Variants in HEXD observed in about 807,000 individuals in gnomAD.
HEXD encodes hexosaminidase D.
HEXD carries 47 observed loss-of-function variants against 54.2 expected under a neutral mutation model. The ratio of observed to expected loss-of-function variants is 0.87; its 90% CI spans 0.69 to 1.11. The LOEUF (loss-of-function observed/expected upper bound fraction) is 1.11. HEXD is among the 50% of genes least tolerant of loss of function. HEXD has a pLI of 0.00. For synonymous variants in HEXD, 293 were observed against 287.6 expected (o/e 1.02, Z -0.19); for missense variants, 576 against 649.2 (o/e 0.89, Z 1.23).
intron 4 of HEXD, among the ~76,000 whole-genome samples, chr17:82,433,087 A>ATAT: frequency 5.8e-5 from 1 of 17,338 alleles, no homozygotes; most frequent in Non-Finnish European, 8.3e-5. Context: ...GAAAAAAAAA[A>ATAT]AAAAATATAT....
intron 4 of HEXD, among the ~76,000 whole-genome samples, chr17:82,433,278 C>T (rs947724118): frequency 2.0e-5 from 3 of 148,704 alleles, no homozygotes; most frequent in Non-Finnish European, 4.5e-5. Flanking sequence ...GCCATCTCTA[C>T]TAAAAATACA....
chr17:82,421,992 C>A (rs942866423), intron 2 of HEXD, among the ~76,000 whole-genome samples: 1 of 151,908 alleles, frequency 6.6e-6, no homozygotes, highest in South Asian at 2.1e-4. Context: ...CTGGCCAACA[C>A]AGTGTCTCTA....
intron 2 of HEXD, chr17:82,420,103 A>G (rs2053188049): frequency 5.4e-6 from 2 of 369,464 alleles, no homozygotes; most frequent in South Asian, 1.6e-4. Context: ...AAAGACAGAG[A>G]ACAAAAGAAA....
intron 2 of HEXD, among the ~76,000 whole-genome samples, chr17:82,420,879 T>G (rs2053216351): frequency 1.3e-5 from 2 of 152,180 alleles, no homozygotes; most frequent in Non-Finnish European, 2.9e-5. Context: ...CCACCCAGTT[T>G]ATGGTCATTT....
At chr17:82,424,538 G>A (rs1436163742) in intron 3 of HEXD, 35 bp downstream of exon 3, 7 of 1,481,960 alleles carry the variant, frequency 4.7e-6, no homozygotes, top group Middle Eastern at 1.7e-4. Context: ...GGGGCGCGGC[G>A]TGAAAGCGGG....
At position 82,442,117 on chromosome 17, in the gene HEXD, T is replaced by C. The variant is rs199660186; in HGVS notation, c.1254-60T>C. Reference sequence around the variant, plus strand: ...CTGAGGCACAGGGCAGTACTGACCATGGGGCTGAGGGCAAGTCCCAAGTGT... The same window carrying C: ...CTGAGGCACAGGGCAGTACTGACCACGGGGCTGAGGGCAAGTCCCAAGTGT... On this transcript the variant is annotated intron_variant, in intron 12 of 12. Coordinates refer to ENST00000327949, the MANE Select transcript of HEXD (RefSeq NM_001330542.2). This position sits in a 1 kb window ranked among gnomAD's most constrained non-coding sequence, Gnocchi z 6.8. 2.8e-5 allele frequency: 43 copies of C among 1,555,070 alleles called. No individual in the cohort carries two copies. Among genetic ancestry groups the C allele is most frequent in the Non-Finnish European group, 3.4e-5 (39 of 1,150,332 alleles).
rs562583332 is a variant in HEXD, at chr17:82,437,260, C to A, written c.796C>A (p.Pro266Thr). The A allele has an allele frequency of 1.9e-6, 3 of 1,611,832 alleles. No individual in the cohort carries two copies. Among genetic ancestry groups the A allele is most frequent in the Non-Finnish European group, 2.5e-6 (3 of 1,179,302 alleles). ...TGCCACGGGGCCCAGCCAGGCCGTG[C>A]CCCCTGTTGAGCACCACCTCAGGAA... ...KGATGPSQAV[P>T]PVEHHLRNHV... The change falls in exon 8 of 13, where the codon CCC becomes ACC. Residue 266 changes from proline to threonine, a missense_variant. Physicochemically the swap from Pro to Thr is conservative, Grantham distance 38. Coordinates refer to ENST00000327949, the MANE Select transcript of HEXD (RefSeq NM_001330542.2).
rs932783654 is a variant in HEXD at position 82,434,059 on chromosome 17, G to C, written c.447+237G>C. On this transcript the variant is annotated intron_variant, in intron 5 of 12. Transcript: ENST00000327949. This position sits in a 1 kb window ranked among gnomAD's most constrained non-coding sequence, Gnocchi z 4.5. ...CAACATCTTCTCCGGGTGGATGGGC[G>C]GCCTGGCACGGGACAGCCTGCAGAG... Among the ~76,000 whole-genome samples, 5 of 151,996 alleles carry C rather than the reference G, an allele frequency of 3.3e-5. No homozygotes were observed. Among genetic ancestry groups the C allele is most frequent in the Non-Finnish European group, 7.4e-5 (5 of 67,970 alleles).
At chr17:82,422,422 G>C (rs1214388483) in intron 2 of HEXD, among the ~76,000 whole-genome samples, 1 of 151,686 alleles carries the variant, frequency 6.6e-6, no homozygotes, top group African/African-American at 2.4e-5. Flanking sequence ...ACCTGAACCT[G>C]GGTGGTGGAG....
In HEXD at chr17:82,428,554, C is replaced by T. The variant is rs199789834; in HGVS notation, c.195-4C>T. ...CCCTCTCTCTATGAATTTTGTCTCT[C>T]CAGCCCCTCTGAAATCAAAGAGATC... On this transcript the variant is annotated splice_polypyrimidine_tract_variant and splice_region_variant and intron_variant, in intron 3 of 12. Coordinates refer to ENST00000327949, the MANE Select transcript of HEXD (RefSeq NM_001330542.2). 9.3e-6 allele frequency: 15 copies of T among 1,612,664 alleles called. No individual in the cohort carries two copies. The highest frequency in any genetic ancestry group is 2.7e-5 in the African/African-American group (2 of 74,898).
chr17:82,433,625 G>A (rs771734326), intron 4 of HEXD, 33 bp from the exon 5 acceptor site: 29 of 1,511,284 alleles, frequency 1.9e-5, no homozygotes, highest in South Asian at 2.6e-5. Context: ...CAGCTCCTCC[G>A]CCCCCAACGC....
Position 82,442,462 on chromosome 17 carries a change from C to T in HEXD, c.*78C>T. On this transcript the variant is annotated 3_prime_UTR_variant, in exon 13 of 13. Transcript: ENST00000327949. This position sits in a 1 kb window ranked among gnomAD's most constrained non-coding sequence, Gnocchi z 6.8. ...TGCCAAATGGCCTGGGCAATACGGG[C>T]CCACGTGGGCGTCGTGCCCTCTGGC... 6.2e-7 allele frequency: 1 copy of T among 1,608,138 alleles called. No homozygotes were observed. The highest frequency in any genetic ancestry group is 8.5e-7 in the Non-Finnish European group (1 of 1,175,916).
chr17:82,435,606 C>A, intron 5 of HEXD, 83 bp from the exon 6 acceptor site: 1 of 1,418,228 alleles, frequency 7.1e-7, no homozygotes, highest in Non-Finnish European at 9.7e-7. Context: ...GGCCCCTCTC[C>A]GTCAGGGCAC....
chr17:82,441,729 T>C, intron 11 of HEXD, 71 bp from the exon 12 acceptor site: 5 of 1,128,484 alleles, frequency 4.4e-6, no homozygotes, highest in Non-Finnish European at 5.4e-6. Context: ...AAACATTTTC[T>C]GTATTACTGC....
At position 82,442,237 on chromosome 17, in the gene HEXD, C is replaced by G; in HGVS notation, c.1314C>G (p.Phe438Leu). The change falls in exon 13 of 13, where the codon TTC becomes TTG. Residue 438 changes from phenylalanine to leucine, a missense_variant. Physicochemically the swap from Phe to Leu is conservative, Grantham distance 22. Coordinates refer to ENST00000327949, the MANE Select transcript of HEXD (RefSeq NM_001330542.2). This position sits in a 1 kb window ranked among gnomAD's most constrained non-coding sequence, Gnocchi z 6.8. ...QELEAALQLAFYPDAVEEWLE... is the reference protein window; with the variant it reads ...QELEAALQLALYPDAVEEWLE... ...TGGAGGCTGCCCTGCAGCTGGCTTT[C>G]TACCCGGATGCCGTGGAGGAGTGGC... is the stretch of plus-strand genomic sequence containing the variant. 1 of 1,605,926 alleles carries G rather than the reference C, an allele frequency of 6.2e-7. No homozygotes were observed. Among genetic ancestry groups the G allele is most frequent in the African/African-American group, 1.3e-5 (1 of 75,052 alleles).
At chr17:82,422,731 A>T (rs1237753054) in intron 2 of HEXD, among the ~76,000 whole-genome samples, 1 of 152,194 alleles carries the variant, frequency 6.6e-6, no homozygotes, top group Non-Finnish European at 1.5e-5. Flanking sequence ...TATGGCAAAG[A>T]AGACTGAACT....
chr17:82,432,184 C>T (rs1244950873), intron 4 of HEXD, among the ~76,000 whole-genome samples: 1 of 152,172 alleles, frequency 6.6e-6, no homozygotes, highest in Non-Finnish European at 1.5e-5. Context: ...GGGGTGCATC[C>T]CTAGGTTCGC....
intron 9 of HEXD, chr17:82,440,749 G>A: frequency 1.9e-6 from 1 of 536,966 alleles, no homozygotes; most frequent in South Asian, 2.3e-5. Context: ...TGTTGCTGCT[G>A]GCAACACAGT....
chr17:82,428,513 C>G (rs756074658), intron 3 of HEXD, 45 bp from the exon 4 acceptor site: 1 of 1,543,468 alleles, frequency 6.5e-7, no homozygotes, highest in Non-Finnish European at 9.0e-7. Flanking sequence ...GTGGAAGTCA[C>G]GTGCTGCTCA....
Sources: allele counts gnomAD v4.1 joint callset (sites outside exome capture counted in the v4.1 genomes callset), GRCh38; gene constraint gnomAD v4.1.1; non-coding constraint Gnocchi (gnomAD v3.1); transcripts MANE v1.5; gene names NCBI Gene and HGNC (gene_info 2026-07-23, HGNC 2026-07-21).